CAGE1: variants seen among roughly 807,000 people sequenced by gnomAD.
The protein encoded by CAGE1 is cancer-associated gene 1 protein.
In CAGE1, 66 loss-of-function variants were observed where a neutral mutation model predicts 94.9. The ratio of observed to expected loss-of-function variants is 0.70; its 90% CI spans 0.57 to 0.85. The LOEUF (loss-of-function observed/expected upper bound fraction) is 0.85, where lower values mean the gene tolerates loss of function less well. Ranked by LOEUF, CAGE1 falls within the 40% of genes least tolerant of loss-of-function variation. CAGE1 has a pLI of 0.00. For synonymous variants in CAGE1, 319 were observed against 321.0 expected (o/e 0.99, Z 0.07); for missense variants, 865 against 950.4 (o/e 0.91, Z 1.18).
intron 12 of CAGE1, among the ~76,000 whole-genome samples, chr6:7,333,676 A>ATGT (rs1321050187): frequency 1.3e-4 from 7 of 53,658 alleles, no homozygotes; most frequent in Admixed American, 2.0e-4. Context: ...ATATATATAC[A>ATGT]TTTTTTTTTT....
rs749961260 is a variant in CAGE1, at chr6:7,373,364, C to CAAGA, written c.1451_1454dup (p.Leu485PhefsTer12). The CAAGA allele has an allele frequency of 1.9e-6, 3 of 1,613,630 alleles. No homozygotes were observed. On this transcript the variant is annotated frameshift_variant, in exon 5 of 14. Coordinates refer to ENST00000502583, the MANE Select transcript of CAGE1 (RefSeq NM_001170692.2). LOFTEE classifies it high-confidence loss of function. ...GTTTCTGGAATTCCTCCTGTAAAGA[C>CAAGA]AAGAACTCTTGTTCTTGGGCCTCTT...
intron 13 of CAGE1, among the ~76,000 whole-genome samples, chr6:7,328,879 T>A (rs1187302547): frequency 2.0e-5 from 1 of 50,846 alleles, no homozygotes; most frequent in Admixed American, 1.7e-4. Context: ...TATAAGTGTG[T>A]GTGTGTGTGT....
In CAGE1 at chr6:7,329,833, C is replaced by T; in HGVS notation, c.2478+16G>A. 2 of 1,290,006 alleles carry T rather than the reference C, an allele frequency of 1.6e-6. No individual in the cohort carries two copies. The highest frequency in any genetic ancestry group is 2.2e-6 in the Non-Finnish European group (2 of 902,906). 79.9% of individuals were successfully genotyped at this position (1,290,006 alleles called of 1,614,324 possible). Reference sequence around the variant, plus strand: ...GAAATGTAAGATTCTTTATCATGATCATCAAGGTGACCTACCATGGTCATG... The same window carrying T: ...GAAATGTAAGATTCTTTATCATGATTATCAAGGTGACCTACCATGGTCATG... On this transcript the variant is annotated intron_variant, in intron 13 of 13. Coordinates refer to ENST00000502583, the MANE Select transcript of CAGE1 (RefSeq NM_001170692.2).
At chr6:7,345,663 C>T (rs777974981) in intron 11 of CAGE1, among the ~76,000 whole-genome samples, 3 of 152,188 alleles carry the variant, frequency 2.0e-5, no homozygotes, top group African/African-American at 7.2e-5. Context: ...CGCAGTGGCT[C>T]ATGCTTGTAA....
At chr6:7,375,267 C>T (rs1414430506) in intron 4 of CAGE1, among the ~76,000 whole-genome samples, 2 of 151,268 alleles carry the variant, frequency 1.3e-5, no homozygotes, top group Admixed American at 6.6e-5. Context: ...AAATTAGCTG[C>T]GCGTGGCGGT....
chr6:7,388,399 C>T (rs953243783), intron 1 of CAGE1, among the ~76,000 whole-genome samples: 1 of 152,222 alleles, frequency 6.6e-6, no homozygotes, highest in Non-Finnish European at 1.5e-5. Flanking sequence ...TCTTCAGTCT[C>T]TAAATCTCTA....
chr6:7,373,446 AGTT>A lies in CAGE1; in HGVS notation c.1370_1372del (p.Gln457del), dbSNP rs760178038. ...TGTGGCCTTTTCCAGTTCTTTTTTG[AGTT>A]GTTGTAGTCTCTCTACCTCTTCTTC... On this transcript the variant is annotated inframe_deletion, in exon 5 of 14. Transcript: ENST00000502583. 4.3e-6 allele frequency: 7 copies of A among 1,613,318 alleles called. No homozygotes were observed. The highest frequency in any genetic ancestry group is 1.1e-5 in the South Asian group (1 of 91,058).
At chr6:7,365,931 C>T (rs370639486) in intron 7 of CAGE1, 47 bp from the exon 8 acceptor site, 13 of 1,084,834 alleles carry the variant, frequency 1.2e-5, no homozygotes, top group Admixed American at 5.2e-5. Flanking sequence ...AATACAACTA[C>T]GCTCTAATAT....
rs145026719 is a variant in CAGE1, at chr6:7,349,690, T to C, written c.2369+5351A>G. Among the ~76,000 whole-genome samples the C allele has an allele frequency of 1.4e-3, 211 of 152,126 alleles. 1 individual carries two copies. The highest frequency in any genetic ancestry group is 4.8e-3 in the African/African-American group (199 of 41,520). On this transcript the variant is annotated intron_variant, in intron 11 of 13. Transcript: ENST00000502583. Reference sequence around the variant, plus strand: ...GCTCATGCCTGTAATCCCAGCACTTTTGGAGGCCAAGGCGGGTGGACCACC... The same window carrying C: ...GCTCATGCCTGTAATCCCAGCACTTCTGGAGGCCAAGGCGGGTGGACCACC...
chr6:7,373,913 G>A lies in CAGE1; in HGVS notation c.906C>T (p.Asp302=). The change falls in exon 5 of 14, where the codon GAC becomes GAT. Residue 302 remains aspartate (D), a synonymous_variant. Coordinates refer to ENST00000502583, the MANE Select transcript of CAGE1 (RefSeq NM_001170692.2). ...SAESLQPVQE[D]MALNEVLQKL... is the part of the protein sequence containing the mutation. ...TCTGCAAGACTTCATTTAAAGCCAT[G>A]TCCTCTTGAACAGGTTGTAAGCTTT... 6.2e-7 allele frequency: 1 copy of A among 1,613,964 alleles called. No individual in the cohort carries two copies. The highest frequency in any genetic ancestry group is 8.5e-7 in the Non-Finnish European group (1 of 1,179,898).
Position 7,369,943 on chromosome 6 carries a change from C to T in CAGE1, c.1869G>A (p.Leu623=), listed in dbSNP as rs1415460737. ...CCTGGCATGTGAGAAGTCCCACCAT[C>T]AGAGCCAGAAGACTGTGCATTTTGG... is the stretch of plus-strand genomic sequence containing the variant. ...LASKMHSLLA[L]MVGLLTCQDI... Residue 623 remains leucine, a synonymous_variant, in exon 6 of 14, where the codon CTG becomes CTA. Coordinates refer to ENST00000502583, the MANE Select transcript of CAGE1 (RefSeq NM_001170692.2). The T allele has an allele frequency of 6.2e-7, 1 of 1,612,634 alleles. No homozygotes were observed. Among genetic ancestry groups the T allele is most frequent in the Non-Finnish European group, 8.5e-7 (1 of 1,179,496 alleles).
At chr6:7,388,110 T>C (rs1297175250) in intron 1 of CAGE1, among the ~76,000 whole-genome samples, 1 of 151,704 alleles carries the variant, frequency 6.6e-6, no homozygotes, top group Non-Finnish European at 1.5e-5. Context: ...CTGGTCCATA[T>C]TCTCCTGACT....
chr6:7,339,223 G>A lies in CAGE1; in HGVS notation c.2370-5133C>T, dbSNP rs150411015. 433 of 1,571,546 alleles carry A rather than the reference G, an allele frequency of 2.8e-4. 1 individual carries two copies. The African/African-American group carries it at 4.4e-3, about 16-fold the overall frequency. On this transcript the variant is annotated intron_variant, in intron 11 of 13. Transcript: ENST00000502583. The surrounding 1 kb of genome is among the most constrained non-coding windows in gnomAD (Gnocchi z 4.7). ...CGCGACACACCATAGCAGGCCCTCC[G>A]CACAGCAAGCCCTCCTAGGAGTTTG...
At chr6:7,347,499 A>AGG (rs1759593300) in intron 11 of CAGE1, 4 of 1,286 alleles carry the variant, frequency 3.1e-3, no homozygotes, top group South Asian at 0.019. Flanking sequence ...ATCCAAAGCG[A>AGG]GGGTGGGGGG....
rs1048230166 is a variant in CAGE1 at position 7,362,925 on chromosome 6, A to G, written c.2193+2543T>C. Among the ~76,000 whole-genome samples, 2 of 152,134 alleles carry G rather than the reference A, an allele frequency of 1.3e-5. No individual in the cohort carries two copies. The highest frequency in any genetic ancestry group is 3.2e-3 in the Middle Eastern group (1 of 316). The stretch of plus-strand genomic sequence containing the variant: ...TTGTTCTCCTGGAGTACTTTAAAGC[A>G]AACCTTGCCATCATATTAATTCACT... On this transcript the variant is annotated intron_variant, in intron 9 of 13. Coordinates refer to ENST00000502583, the MANE Select transcript of CAGE1 (RefSeq NM_001170692.2). This position sits in a 1 kb window ranked among gnomAD's most constrained non-coding sequence, Gnocchi z 4.1.
chr6:7,342,890 A>G (rs1759239214), intron 11 of CAGE1, among the ~76,000 whole-genome samples: 1 of 150,700 alleles, frequency 6.6e-6, no homozygotes, highest in South Asian at 2.1e-4. Flanking sequence ...TCCCAGCACC[A>G]TTTGTTGAAT....
intron 5 of CAGE1, among the ~76,000 whole-genome samples, chr6:7,372,332 A>G (rs1283419575): frequency 6.6e-6 from 1 of 152,014 alleles, no homozygotes; most frequent in Admixed American, 6.6e-5. Context: ...TTAGCTGGGC[A>G]TGGTGGCGCA....
chr6:7,335,437 G>A (rs1264671611), intron 11 of CAGE1, among the ~76,000 whole-genome samples: 2 of 152,242 alleles, frequency 1.3e-5, no homozygotes, highest in African/African-American at 4.8e-5. Context: ...AATGAGCGAA[G>A]CCAGCTAAAT....
intron 5 of CAGE1, 37 bp from the exon 6 acceptor site, chr6:7,370,102 T>C: frequency 6.8e-7 from 1 of 1,477,682 alleles, no homozygotes; most frequent in Non-Finnish European, 9.1e-7. Flanking sequence ...AAAATAATGA[T>C]GAAGAACCTG....
Sources: allele counts gnomAD v4.1 joint callset (sites outside exome capture counted in the v4.1 genomes callset), GRCh38; gene constraint gnomAD v4.1.1; non-coding constraint Gnocchi (gnomAD v3.1); transcripts MANE v1.5; gene names NCBI Gene and HGNC (gene_info 2026-07-23, HGNC 2026-07-21).